TRAF3IP2: variants seen among roughly 807,000 people sequenced by gnomAD.
TRAF3IP2 encodes TRAF3 interacting protein 2.
TRAF3IP2 carries 35 observed loss-of-function variants against 57.9 expected under a neutral mutation model. The ratio of observed to expected loss-of-function variants is 0.60; its 90% CI spans 0.46 to 0.80. The LOEUF is 0.80. Ranked by LOEUF, TRAF3IP2 falls within the 30% of genes least tolerant of loss-of-function variation. The pLI is 0.00. For missense variants in TRAF3IP2, 556 were observed against 706.4 expected, an observed-to-expected ratio of 0.79 and a Z score of 2.41; for synonymous variants, 251 against 268.9, an observed-to-expected ratio of 0.93 and a Z score of 0.65.
intron 4 of TRAF3IP2, chr6:111,574,749 G>GA (rs1043356374): frequency 6.6e-6 from 1 of 152,194 alleles, no homozygotes; most frequent in Non-Finnish European, 1.5e-5. Flanking sequence ...TTAGAAGAGG[G>GA]AAAAGGCACT....
rs1051809391 is a variant in TRAF3IP2 at position 111,560,307 on chromosome 6, G to A, written c.1552-756C>T. ...TCCAGGCAGATAGGAGAGTCAGTGC[G>A]AAGGCCCTGTGGAGGGAGTGTGTTG... On this transcript the variant is annotated intron_variant, in intron 8 of 8. Coordinates refer to ENST00000368761, the MANE Select transcript of TRAF3IP2 (RefSeq NM_147686.4). Among the ~76,000 whole-genome samples, 6 of 152,302 alleles carry A rather than the reference G, an allele frequency of 3.9e-5. No homozygotes were observed. In the East Asian group the frequency reaches 7.7e-4, roughly 20 times the overall value.
chr6:111,596,866 T>C (rs527741965), intron 1 of TRAF3IP2, among the ~76,000 whole-genome samples: 4 of 152,226 alleles, frequency 2.6e-5, no homozygotes, highest in Non-Finnish European at 4.4e-5. Context: ...CCCAAAGTGC[T>C]GGGATTATAA....
chr6:111,586,478 G>A (rs555244710), intron 2 of TRAF3IP2, among the ~76,000 whole-genome samples: 1 of 152,228 alleles, frequency 6.6e-6, no homozygotes, highest in Non-Finnish European at 1.5e-5. Flanking sequence ...TCTCCAGGGG[G>A]TGGGGTGAGG....
rs894828369 is a variant in TRAF3IP2 at position 111,605,835 on chromosome 6, C to G, written c.-68G>C. ...GAGGGTAGTCGGCTCTCGGCGGCTT[C>G]TCGTCTCCCTCCACCTTCTCCGGGC... On this transcript the variant is annotated 5_prime_UTR_variant, in exon 1 of 9. Transcript: ENST00000368761. 6.6e-6 allele frequency: 1 copy of G among 152,140 alleles called. No individual in the cohort carries two copies. Among genetic ancestry groups the G allele is most frequent in the Non-Finnish European group, 1.5e-5 (1 of 68,032 alleles). 9.4% of individuals were successfully genotyped at this position (152,140 alleles called of 1,614,324 possible).
intron 1 of TRAF3IP2, among the ~76,000 whole-genome samples, chr6:111,603,788 G>A (rs958199669): frequency 6.6e-6 from 1 of 152,088 alleles, no homozygotes; most frequent in Non-Finnish European, 1.5e-5. Flanking sequence ...CTTTCTATCC[G>A]ACATGTTGGT....
At position 111,603,737 on chromosome 6, in the gene TRAF3IP2, T is replaced by C. The variant is rs112464778; in HGVS notation, c.-9+2039A>G. Among the ~76,000 whole-genome samples the C allele has an allele frequency of 5.8e-3, 889 of 152,350 alleles. 2 individuals are homozygous for C. Among genetic ancestry groups the C allele is most frequent in the South Asian group, 0.014 (66 of 4,834 alleles). ...GAGAAGCAGGCTTTAACATTTCCTG[T>C]CTCTACACCTTCCAAAAATGAGTAA... On this transcript the variant is annotated intron_variant, in intron 1 of 8. Transcript: ENST00000368761.
At position 111,591,176 on chromosome 6, in the gene TRAF3IP2, A is replaced by T; in HGVS notation, c.829+82T>A. The stretch of plus-strand genomic sequence containing the variant: ...CATTCTGACCTGTTCATGCCAGCCT[A>T]GTGACACGAAGCATTGATGTGAGGC... On this transcript the variant is annotated intron_variant, in intron 2 of 8. Transcript: ENST00000368761. This position sits in a 1 kb window ranked among gnomAD's most constrained non-coding sequence, Gnocchi z 4.9. 8.9e-7 allele frequency: 1 copy of T among 1,123,370 alleles called. No individual in the cohort carries two copies. The highest frequency in any genetic ancestry group is 1.2e-6 in the Non-Finnish European group (1 of 811,022). 69.6% of individuals were successfully genotyped at this position (1,123,370 alleles called of 1,614,324 possible). A position where few individuals can be genotyped will look rare whatever the true frequency, so the allele number is the denominator to read the frequency against.
Position 111,591,368 on chromosome 6 carries a change from T to G in TRAF3IP2, c.719A>C (p.Glu240Ala). 5.2e-6 allele frequency: 8 copies of G among 1,543,142 alleles called. No homozygotes were observed. Among genetic ancestry groups the G allele is most frequent in the Non-Finnish European group, 7.0e-6 (8 of 1,148,510 alleles). Residue 240 changes from glutamate (E) to alanine (A), a missense_variant, in exon 2 of 9, where the codon GAA (glutamate) becomes GCA (alanine). Physicochemically the swap from Glu to Ala is moderately radical, Grantham distance 107. This residue lies in a region of TRAF3IP2 where 428 missense variants were observed against 498.7 expected (regional missense o/e 0.86). Transcript: ENST00000368761. The surrounding 1 kb of genome is among the most constrained non-coding windows in gnomAD (Gnocchi z 4.9). ...TGCACATGCTGGATACCTCTGAGGT[T>G]CAAACTGAGGGAACTCCCTGGACCT... The part of the protein sequence containing the change: ...PLRSREFPQF[E>A]PQRYPACAQM...
intron 1 of TRAF3IP2, chr6:111,598,299 C>T (rs1470044080): frequency 5.8e-6 from 1 of 172,130 alleles, no homozygotes; most frequent in Non-Finnish European, 1.3e-5. Flanking sequence ...ATTTTAAAAG[C>T]TTATGCCCTT....
rs969644899 is a variant in TRAF3IP2, at chr6:111,558,021, A to G, written c.*1384T>C. 6 of 152,062 alleles carry G rather than the reference A, an allele frequency of 3.9e-5. 1 individual carries two copies. The highest frequency in any genetic ancestry group is 1.2e-4 in the African/African-American group (5 of 41,432). 9.4% of individuals were successfully genotyped at this position (152,062 alleles called of 1,614,324 possible). A position where few individuals can be genotyped will look rare whatever the true frequency, so the allele number is the denominator to read the frequency against. On this transcript the variant is annotated 3_prime_UTR_variant, in exon 9 of 9. Coordinates refer to ENST00000368761, the MANE Select transcript of TRAF3IP2 (RefSeq NM_147686.4). ...GACGACAGAGCGAGACTCTGTCTCA[A>G]ACAAAAAAAAAGAAGAAGAAAATGT...
intron 1 of TRAF3IP2, chr6:111,598,017 T>A (rs1796748665): frequency 2.4e-6 from 1 of 415,358 alleles, no homozygotes; most frequent in Non-Finnish European, 4.7e-6. Flanking sequence ...GCCCCCATGC[T>A]GGCAGTGCCC....
chr6:111,594,163 CCTTT>C (rs1273699311), intron 1 of TRAF3IP2, among the ~76,000 whole-genome samples: 2 of 147,754 alleles, frequency 1.4e-5, no homozygotes, highest in Non-Finnish European at 3.0e-5. Context: ...CCATTTTTTC[CCTTT>C]CTTTCTTGCA....
chr6:111,559,421 T>C lies in TRAF3IP2; in HGVS notation c.1682A>G (p.Gln561Arg), dbSNP rs1239384220. ...TGAACGGTGTCACAAGGGAACCACCTGAAGGGTGGGCAGAGGCCCCCGTGG... is the reference window on the plus strand; with the variant it reads ...TGAACGGTGTCACAAGGGAACCACCCGAAGGGTGGGCAGAGGCCCCCGTGG... ...APPRGPLPTL[Q>R]VVPL Residue 561 changes from glutamine to arginine, a missense_variant, in exon 9 of 9, where the codon CAG becomes CGG. Coordinates refer to ENST00000368761, the MANE Select transcript of TRAF3IP2 (RefSeq NM_147686.4). 3.7e-6 allele frequency: 6 copies of C among 1,613,824 alleles called. No individual in the cohort carries two copies. Among genetic ancestry groups the C allele is most frequent in the Non-Finnish European group, 5.1e-6 (6 of 1,179,994 alleles).
rs760508833 is a variant in TRAF3IP2 at position 111,558,827 on chromosome 6, C to G, written c.*578G>C. On this transcript the variant is annotated 3_prime_UTR_variant, in exon 9 of 9. Transcript: ENST00000368761. ...CTTTAATCCATTAATACAGAGTGGT[C>G]TGTTATATTTATCTAATATTATATC... 2.6e-5 allele frequency: 4 copies of G among 152,180 alleles called. No individual in the cohort carries two copies. Among genetic ancestry groups the G allele is most frequent in the Non-Finnish European group, 4.4e-5 (3 of 68,044 alleles). 9.4% of individuals were successfully genotyped at this position (152,180 alleles called of 1,614,324 possible).
intron 2 of TRAF3IP2, among the ~76,000 whole-genome samples, chr6:111,589,071 C>CTTTTT (rs372254400): frequency 1.6e-5 from 2 of 123,124 alleles, no homozygotes; most frequent in Non-Finnish European, 1.6e-5. Flanking sequence ...GAAAAATTAT[C>CTTTTT]TTTTTTTTTT....
Position 111,580,325 on chromosome 6 carries a change from G to C in TRAF3IP2, c.894C>G (p.Pro298=). ...QVIQPALPGQ[P]LPGASVRGLH... ...GGCCTCTCACACTGGCTCCAGGCAG[G>C]GGCTGCCCAGGCAGAGCCGGCTGGA... The change falls in exon 3 of 9, where the codon CCC becomes CCG. Residue 298 remains proline (P), a synonymous_variant. Coordinates refer to ENST00000368761, the MANE Select transcript of TRAF3IP2 (RefSeq NM_147686.4). The C allele has an allele frequency of 6.2e-7, 1 of 1,604,758 alleles. No individual in the cohort carries two copies. The highest frequency in any genetic ancestry group is 1.1e-5 in the South Asian group (1 of 89,496).
intron 1 of TRAF3IP2, among the ~76,000 whole-genome samples, chr6:111,603,783 T>C (rs1796946860): frequency 6.6e-6 from 1 of 152,240 alleles, no homozygotes; most frequent in South Asian, 2.1e-4. Context: ...AGAACCTTTC[T>C]ATCCGACATG....
intron 1 of TRAF3IP2, chr6:111,594,577 A>T: frequency 2.3e-6 from 1 of 433,262 alleles, no homozygotes. Flanking sequence ...ATCTCACATA[A>T]ACTGGAAATC....
At position 111,591,607 on chromosome 6, in the gene TRAF3IP2, G is replaced by A; in HGVS notation, c.480C>T (p.Asp160=). 3 of 1,614,208 alleles carry A rather than the reference G, an allele frequency of 1.9e-6. No homozygotes were observed. The highest frequency in any genetic ancestry group is 1.6e-4 in the Middle Eastern group (1 of 6,062). Residue 160 remains aspartate, a synonymous_variant, in exon 2 of 9, where the codon GAC becomes GAT. Coordinates refer to ENST00000368761, the MANE Select transcript of TRAF3IP2 (RefSeq NM_147686.4). This position sits in a 1 kb window ranked among gnomAD's most constrained non-coding sequence, Gnocchi z 4.9. ...PDTGHDSDKS[D]QSLPNASADS... ...CTGCTGAGGCATTAGGTAAACTTTG[G>A]TCTGATTTGTCTGAGTCATGGCCAG...
Sources: gnomAD v4.1 joint callset for allele counts (sites outside exome capture counted in the v4.1 genomes callset) on GRCh38, gnomAD v4.1.1 for gene constraint, gnomAD v4.1.1 regional missense constraint, Gnocchi (gnomAD v3.1) non-coding constraint, MANE v1.5 for transcripts, NCBI Gene and HGNC (gene_info 2026-07-23, HGNC 2026-07-21) for gene names.